The following PTPRN2 variants were observed in gnomAD, a reference collection of about 807,000 sequenced individuals.
PTPRN2 encodes protein tyrosine phosphatase receptor type N2.
Under a neutral mutation model 118.8 loss-of-function variants are expected in PTPRN2, and 74 were observed. The observed-to-expected ratio is 0.62, with a 90% confidence interval of 0.52 to 0.76. PTPRN2 has a LOEUF of 0.76. Among genes scored for constraint, PTPRN2 ranks in the 30% least tolerant of loss-of-function variants. PTPRN2 has a pLI of 0.00. For missense variants in PTPRN2, 1,481 were observed against 1,394.4 expected (o/e 1.06, Z -0.99); for synonymous variants, 641 against 608.0 (o/e 1.05, Z -0.80).
At chr7:157,932,494 A>C (rs1406980799) in intron 11 of PTPRN2, among the ~76,000 whole-genome samples, 2 of 152,142 alleles carry the variant, frequency 1.3e-5, no homozygotes, top group Non-Finnish European at 2.9e-5. Flanking sequence ...ACATTTTTAG[A>C]GTAGGGGTGA....
At chr7:158,037,743 TC>T (rs1197485145) in intron 11 of PTPRN2, among the ~76,000 whole-genome samples, 2 of 152,188 alleles carry the variant, frequency 1.3e-5, no homozygotes, top group Non-Finnish European at 2.9e-5. Context: ...ACCCAATCAG[TC>T]TTTTTTCATA....
At chr7:158,311,853 T>TC (rs1157540980) in intron 3 of PTPRN2, among the ~76,000 whole-genome samples, 1 of 123,672 alleles carries the variant, frequency 8.1e-6, no homozygotes, top group Non-Finnish European at 1.7e-5. Context: ...GCACACACAC[T>TC]CACATGCTCA....
Position 157,656,339 on chromosome 7 carries a change from T to G in PTPRN2, c.2196+18A>C, listed in dbSNP as rs1585183728. ...GCCCTGGTGTTTGTGTGGCAGGGAG[T>G]GCAAAGACTGGGCTTACCAGGATCA... On this transcript the variant is annotated intron_variant, in intron 14 of 22. Transcript: ENST00000389418. The G allele has an allele frequency of 6.5e-7, 1 of 1,536,666 alleles. No homozygotes were observed. The highest frequency in any genetic ancestry group is 8.8e-7 in the Non-Finnish European group (1 of 1,135,840).
At chr7:158,203,783 T>G (rs73173702) in intron 4 of PTPRN2, among the ~76,000 whole-genome samples, 25,440 of 152,190 alleles carry the variant, frequency 0.17, 2,436 homozygotes, top group Non-Finnish European at 0.22. Flanking sequence ...ACATCCAAAA[T>G]AGAAATTCAA....
intron 6 of PTPRN2, among the ~76,000 whole-genome samples, chr7:158,157,894 G>A (rs1028213377): frequency 1.3e-5 from 2 of 152,218 alleles, no homozygotes; most frequent in Non-Finnish European, 1.5e-5. Context: ...AGGATGAAAG[G>A]CACTTTGATA....
At chr7:158,107,440 C>A (rs1244568121) in intron 10 of PTPRN2, among the ~76,000 whole-genome samples, 1 of 152,254 alleles carries the variant, frequency 6.6e-6, no homozygotes, top group East Asian at 1.9e-4. Flanking sequence ...AGGTGGGAAA[C>A]AGCTGCAGCC....
At chr7:158,251,664 A>G (rs1207438127) in intron 3 of PTPRN2, among the ~76,000 whole-genome samples, 1 of 149,680 alleles carries the variant, frequency 6.7e-6, no homozygotes, top group Admixed American at 6.7e-5. Context: ...ACAGGTGTGC[A>G]ATGGATGTCT....
intron 11 of PTPRN2, among the ~76,000 whole-genome samples, chr7:158,034,569 A>G (rs10226234): frequency 0.36 from 54,491 of 151,912 alleles, 10,818 homozygotes; most frequent in African/African-American, 0.55. Flanking sequence ...CCCCAGCCAC[A>G]TGGAACTGTA....
At chr7:157,804,219 G>A (rs748638121) in intron 12 of PTPRN2, among the ~76,000 whole-genome samples, 26 of 152,204 alleles carry the variant, frequency 1.7e-4, no homozygotes, top group Non-Finnish European at 2.9e-5. Context: ...ATAGTTTGGT[G>A]GCATACAGCT....
chr7:157,811,127 C>G (rs534241272), intron 12 of PTPRN2, among the ~76,000 whole-genome samples: 1 of 151,354 alleles, frequency 6.6e-6, no homozygotes, highest in Admixed American at 6.6e-5. Context: ...AAAAATTAGC[C>G]GGGCGTGGTG....
At chr7:157,926,986 C>A (rs908671754) in intron 11 of PTPRN2, among the ~76,000 whole-genome samples, 1 of 143,406 alleles carries the variant, frequency 7.0e-6, no homozygotes, top group African/African-American at 2.6e-5. Context: ...CCCAGGGACC[C>A]GTCTGAGAGC....
intron 11 of PTPRN2, among the ~76,000 whole-genome samples, chr7:158,068,126 C>G (rs1810918500): frequency 6.6e-6 from 1 of 152,296 alleles, no homozygotes; most frequent in Non-Finnish European, 1.5e-5. Context: ...GCTGTGCAGT[C>G]CCAGGGGAAG....
At chr7:158,129,047 G>A (rs1047725285) in intron 9 of PTPRN2, among the ~76,000 whole-genome samples, 26 of 150,414 alleles carry the variant, frequency 1.7e-4, no homozygotes. Context: ...ACAACACACT[G>A]TGCACCATGC....
At chr7:158,152,805 C>T (rs1407085130) in intron 6 of PTPRN2, among the ~76,000 whole-genome samples, 1 of 151,766 alleles carries the variant, frequency 6.6e-6, no homozygotes, top group African/African-American at 2.4e-5. Flanking sequence ...AGCATGCCAG[C>T]AGGCCACCGA....
At chr7:158,288,830 A>G (rs1799928127) in intron 3 of PTPRN2, among the ~76,000 whole-genome samples, 1 of 151,930 alleles carries the variant, frequency 6.6e-6, no homozygotes, top group South Asian at 2.1e-4. Context: ...AGCTTGAAGA[A>G]CTCTCTTTAG....
intron 2 of PTPRN2, among the ~76,000 whole-genome samples, chr7:158,466,734 T>A (rs1450969313): frequency 6.6e-6 from 1 of 152,214 alleles, no homozygotes; most frequent in East Asian, 1.9e-4. Context: ...ACCTACACAC[T>A]GTTTCCATAA....
intron 13 of PTPRN2, among the ~76,000 whole-genome samples, chr7:157,680,834 T>G (rs1442462229): frequency 6.6e-6 from 1 of 152,260 alleles, no homozygotes; most frequent in African/African-American, 2.4e-5. Context: ...TAATCTGGAT[T>G]GAAGAAAAGC....
At chr7:158,430,133 C>T (rs1816051380) in intron 2 of PTPRN2, among the ~76,000 whole-genome samples, 2 of 152,132 alleles carry the variant, frequency 1.3e-5, no homozygotes, top group Non-Finnish European at 2.9e-5. Flanking sequence ...GTCTCAAACT[C>T]CTGACCTTGT....
At chr7:158,500,669 CA>C (rs894115610) in intron 1 of PTPRN2, among the ~76,000 whole-genome samples, 1 of 152,246 alleles carries the variant, frequency 6.6e-6, no homozygotes, top group African/African-American at 2.4e-5. Flanking sequence ...GCCCCAGCCA[CA>C]AAAACGTCCA....
Sources: allele counts gnomAD v4.1 joint callset (sites outside exome capture counted in the v4.1 genomes callset), GRCh38; gene constraint gnomAD v4.1.1; transcripts MANE v1.5; gene names NCBI Gene and HGNC (gene_info 2026-07-23, HGNC 2026-07-21).